KIRREL3: variants seen among roughly 807,000 people sequenced by gnomAD.
KIRREL3 encodes kirre like nephrin family adhesion molecule 3.
In KIRREL3, 36 loss-of-function variants were observed where a neutral mutation model predicts 89.7. That is an observed-to-expected ratio of 0.40 (90% CI 0.31 to 0.53). The LOEUF is 0.53. Ranked by LOEUF, KIRREL3 falls within the 20% of genes least tolerant of loss-of-function variation. The probability of loss-of-function intolerance (pLI) is 0.49; values close to 1 mark genes in which losing one functional copy is unlikely to be tolerated. For synonymous variants in KIRREL3, 445 were observed against 441.4 expected (o/e 1.01, Z -0.10); for missense variants, 864 against 1,056.6 (o/e 0.82, Z 2.53).
rs1440008574 is a variant in KIRREL3, at chr11:126,575,967, C to G, written c.56-13055G>C. Among the ~76,000 whole-genome samples the G allele has an allele frequency of 6.6e-6, 1 of 152,154 alleles. No individual in the cohort carries two copies. The highest frequency in any genetic ancestry group is 1.5e-5 in the Non-Finnish European group (1 of 68,044). Reference sequence around the variant, plus strand: ...CTATGAGACTCCCTTATAGATGCGACCACGGTTTTGAATTTTTGCTCCAAC... The same window carrying G: ...CTATGAGACTCCCTTATAGATGCGAGCACGGTTTTGAATTTTTGCTCCAAC... On this transcript the variant is annotated intron_variant, in intron 1 of 16. Coordinates refer to ENST00000525144, the MANE Select transcript of KIRREL3 (RefSeq NM_032531.4). The surrounding 1 kb of genome is among the most constrained non-coding windows in gnomAD (Gnocchi z 7.0).
intron 1 of KIRREL3, among the ~76,000 whole-genome samples, chr11:126,632,102 T>G (rs996969562): frequency 1.3e-5 from 2 of 152,212 alleles, no homozygotes; most frequent in African/African-American, 4.8e-5. Flanking sequence ...AGCTACTGAT[T>G]CAGGAGGTCT....
chr11:126,600,239 G>T (rs1942593535), intron 1 of KIRREL3, among the ~76,000 whole-genome samples: 1 of 152,186 alleles, frequency 6.6e-6, no homozygotes, highest in Non-Finnish European at 1.5e-5. Flanking sequence ...CAACTGACAA[G>T]CATGTGAGTG....
intron 7 of KIRREL3, 24 bp from the exon 8 acceptor site, chr11:126,449,181 T>G (rs774473248): frequency 1.9e-6 from 3 of 1,611,954 alleles, no homozygotes; most frequent in Non-Finnish European, 2.5e-6. Flanking sequence ...CAGGGGCTGA[T>G]GTGGGCCTTG....
Position 126,669,800 on chromosome 11 carries a change from T to C in KIRREL3, c.56-106888A>G, listed in dbSNP as rs1157975211. On this transcript the variant is annotated intron_variant, in intron 1 of 16. Coordinates refer to ENST00000525144, the MANE Select transcript of KIRREL3 (RefSeq NM_032531.4). This position sits in a 1 kb window ranked among gnomAD's most constrained non-coding sequence, Gnocchi z 5.0. ...TATAAATCCAGTCTTGACCTATCCC[T>C]TGGGCTAAAGATTTGTAGAGTCAAC... Among the ~76,000 whole-genome samples the C allele has an allele frequency of 1.3e-5, 2 of 152,228 alleles. No homozygotes were observed. Among genetic ancestry groups the C allele is most frequent in the African/African-American group, 4.8e-5 (2 of 41,466 alleles).
At position 126,664,057 on chromosome 11, in the gene KIRREL3, G is replaced by A. The variant is rs146946087; in HGVS notation, c.56-101145C>T. ...GCACAAGGGAAATTAACCAGACTCTGCATGTTGTGGGAATTCTGCATGGCA... is the reference window on the plus strand; with the variant it reads ...GCACAAGGGAAATTAACCAGACTCTACATGTTGTGGGAATTCTGCATGGCA... On this transcript the variant is annotated intron_variant, in intron 1 of 16. Transcript: ENST00000525144. The surrounding 1 kb of genome is among the most constrained non-coding windows in gnomAD (Gnocchi z 5.4). Among the ~76,000 whole-genome samples the A allele has an allele frequency of 1.5e-3, 229 of 152,334 alleles. 2 individuals are homozygous for A. Among genetic ancestry groups the A allele is most frequent in the Middle Eastern group, 0.01 (3 of 294 alleles).
At chr11:126,950,697 C>T (rs938573923) in intron 1 of KIRREL3, among the ~76,000 whole-genome samples, 2 of 152,218 alleles carry the variant, frequency 1.3e-5, no homozygotes, top group African/African-American at 2.4e-5. Flanking sequence ...TCCCATTGTA[C>T]ATCACACAGA....
At position 126,898,333 on chromosome 11, in the gene KIRREL3, G is replaced by A. The variant is rs557368286; in HGVS notation, c.55+102122C>T. ...CCAGTGTTGAGAATATAAACTGGTC[G>A]GATATTTTAGAATATTCCTGGCAGT... is the stretch of plus-strand genomic sequence containing the variant. On this transcript the variant is annotated intron_variant, in intron 1 of 16. Coordinates refer to ENST00000525144, the MANE Select transcript of KIRREL3 (RefSeq NM_032531.4). The surrounding 1 kb of genome is among the most constrained non-coding windows in gnomAD (Gnocchi z 4.9). 4.4e-4 allele frequency among the ~76,000 whole-genome samples: 67 copies of A among 152,270 alleles called. No homozygotes were observed. The highest frequency in any genetic ancestry group is 1.3e-3 in the African/African-American group (52 of 41,548).
At chr11:126,461,578 C>T (rs888133669) in intron 6 of KIRREL3, among the ~76,000 whole-genome samples, 28 of 152,300 alleles carry the variant, frequency 1.8e-4, no homozygotes, top group Admixed American at 7.2e-4. Flanking sequence ...AAAGTCCCCC[C>T]CGCCCCAAGA....
intron 5 of KIRREL3, among the ~76,000 whole-genome samples, chr11:126,466,300 A>T (rs1956723980): frequency 6.6e-6 from 1 of 152,256 alleles, no homozygotes; most frequent in Admixed American, 6.5e-5. Context: ...AGGGGAAGGC[A>T]CGTGCCCCAG....
intron 1 of KIRREL3, among the ~76,000 whole-genome samples, chr11:126,649,749 C>T (rs1944836875): frequency 6.6e-6 from 1 of 152,150 alleles, no homozygotes; most frequent in Admixed American, 6.5e-5. Context: ...ACGGTGCAAG[C>T]TGTTGGTGGA....
intron 1 of KIRREL3, among the ~76,000 whole-genome samples, chr11:126,813,328 G>A (rs1271352473): frequency 1.3e-5 from 2 of 152,164 alleles, no homozygotes; most frequent in Non-Finnish European, 2.9e-5. Context: ...CTAGTCCAAA[G>A]CACCTCTCCC....
chr11:126,631,678 A>G (rs747480757), intron 1 of KIRREL3, among the ~76,000 whole-genome samples: 1 of 152,244 alleles, frequency 6.6e-6, no homozygotes, highest in African/African-American at 2.4e-5. Context: ...CTGTATTGAC[A>G]TAATAACAAT....
intron 1 of KIRREL3, among the ~76,000 whole-genome samples, chr11:126,949,679 T>C (rs546482604): frequency 5.9e-5 from 9 of 152,288 alleles, no homozygotes; most frequent in African/African-American, 2.2e-4. Flanking sequence ...CTCTTCTGCA[T>C]AGTGAGTGGG....
chr11:126,762,504 C>G (rs1233988183), intron 1 of KIRREL3, among the ~76,000 whole-genome samples: 1 of 152,200 alleles, frequency 6.6e-6, no homozygotes, highest in African/African-American at 2.4e-5. Flanking sequence ...GCTATGTGAT[C>G]AAGTCTTGGG....
chr11:126,904,594 T>A lies in KIRREL3; in HGVS notation c.55+95861A>T, dbSNP rs1445153253. 1.3e-5 allele frequency among the ~76,000 whole-genome samples: 2 copies of A among 152,232 alleles called. No individual in the cohort carries two copies. Among genetic ancestry groups the A allele is most frequent in the Non-Finnish European group, 2.9e-5 (2 of 68,036 alleles). Reference sequence around the variant, plus strand: ...CTTCCTACTAATGACTTTAAATACATGTTTTTGACATCAGGAAAAGAAATA... The same window carrying A: ...CTTCCTACTAATGACTTTAAATACAAGTTTTTGACATCAGGAAAAGAAATA... On this transcript the variant is annotated intron_variant, in intron 1 of 16. Transcript: ENST00000525144. The surrounding 1 kb of genome is among the most constrained non-coding windows in gnomAD (Gnocchi z 4.4).
intron 6 of KIRREL3, among the ~76,000 whole-genome samples, chr11:126,461,024 C>T (rs1476439255): frequency 6.6e-6 from 1 of 152,226 alleles, no homozygotes; most frequent in Non-Finnish European, 1.5e-5. Context: ...GTCTCCCGCC[C>T]TCTCCCCTTC....
intron 1 of KIRREL3, among the ~76,000 whole-genome samples, chr11:126,929,959 C>G (rs371891420): frequency 0.044 from 6,690 of 151,762 alleles, 183 homozygotes; most frequent in Middle Eastern, 0.11. Context: ...CCCCCCCCCC[C>G]CCACCTCACC....
rs1381423374 is a variant in KIRREL3, at chr11:126,830,843, G to A, written c.55+169612C>T. On this transcript the variant is annotated intron_variant, in intron 1 of 16. Transcript: ENST00000525144. This position sits in a 1 kb window ranked among gnomAD's most constrained non-coding sequence, Gnocchi z 4.9. Reference sequence around the variant, plus strand: ...GGCCTCCATGCATTTTGTAACCCCTGTTCCTTTATTAGAGCAATCAGAAAA... The same window carrying A: ...GGCCTCCATGCATTTTGTAACCCCTATTCCTTTATTAGAGCAATCAGAAAA... Among the ~76,000 whole-genome samples, 1 of 152,144 alleles carries A rather than the reference G, an allele frequency of 6.6e-6. No individual in the cohort carries two copies. The highest frequency in any genetic ancestry group is 1.5e-5 in the Non-Finnish European group (1 of 68,022).
At chr11:126,468,424 GC>G (rs1481221454) in intron 5 of KIRREL3, among the ~76,000 whole-genome samples, 1 of 152,242 alleles carries the variant, frequency 6.6e-6, no homozygotes, top group African/African-American at 2.4e-5. Flanking sequence ...AGTGTGGCTC[GC>G]CCTGCACCCT....
Sources: allele counts gnomAD v4.1 joint callset (sites outside exome capture counted in the v4.1 genomes callset), GRCh38; gene constraint gnomAD v4.1.1; non-coding constraint Gnocchi (gnomAD v3.1); transcripts MANE v1.5; gene names NCBI Gene and HGNC (gene_info 2026-07-23, HGNC 2026-07-21).